The following TBC1D30 variants were observed in gnomAD, a reference collection of about 807,000 sequenced individuals.
TBC1D30 encodes the protein TBC1 domain family, member 30.
TBC1D30 carries 31 observed loss-of-function variants against 63.2 expected under a neutral mutation model. That is an observed-to-expected ratio of 0.49 (90% CI 0.37 to 0.66). The LOEUF is 0.66. TBC1D30 is among the 30% of genes least tolerant of loss of function. The probability of loss-of-function intolerance (pLI) is 0.00; values close to 1 mark genes in which losing one functional copy is unlikely to be tolerated. For synonymous variants in TBC1D30, 307 were observed against 361.5 expected (o/e 0.85, Z 1.71); for missense variants, 810 against 953.6 (o/e 0.85, Z 1.98).
chr12:64,813,246 C>T (rs1001733961), intron 2 of TBC1D30, among the ~76,000 whole-genome samples: 5 of 152,076 alleles, frequency 3.3e-5, no homozygotes, highest in South Asian at 2.1e-4. Flanking sequence ...AAAAATTAGC[C>T]GGATGTGGTG....
intron 11 of TBC1D30, among the ~76,000 whole-genome samples, chr12:64,874,227 A>G (rs1262423511): frequency 6.6e-6 from 1 of 152,198 alleles, no homozygotes; most frequent in Non-Finnish European, 1.5e-5. Context: ...AGCTGGGACT[A>G]CAGGCATGCA....
intron 1 of TBC1D30, among the ~76,000 whole-genome samples, chr12:64,767,821 A>G (rs961092067): frequency 2.8e-5 from 4 of 144,872 alleles, no homozygotes; most frequent in Non-Finnish European, 6.0e-5. Context: ...GATAGGCTCT[A>G]TGAAAATTTA....
upstream of TBC1D30, among the ~76,000 whole-genome samples, chr12:64,823,770 A>AT (rs768401503): frequency 8.5e-5 from 13 of 152,182 alleles, no homozygotes; most frequent in African/African-American, 2.9e-4. Flanking sequence ...GACTATAGGC[A>AT]TGCTGTTCCA....
At position 64,807,617 on chromosome 12, in the gene TBC1D30, C is replaced by T. The variant is rs540515801; in HGVS notation, c.644-20218C>T. On this transcript the variant is annotated intron_variant, in intron 2 of 12. Coordinates refer to the TBC1D30 transcript ENST00000542120. ...GCTGTATTTGCTCTCAACTCCCTGTCCTGTGGTTTTCCTAATATGCCATTC... is the reference window on the plus strand; with the variant it reads ...GCTGTATTTGCTCTCAACTCCCTGTTCTGTGGTTTTCCTAATATGCCATTC... 2.0e-5 allele frequency among the ~76,000 whole-genome samples: 3 copies of T among 152,286 alleles called. No individual in the cohort carries two copies. In the South Asian group the frequency reaches 6.2e-4, roughly 32 times the overall value.
At chr12:64,817,573 C>G (rs1036423044) in intron 2 of TBC1D30, among the ~76,000 whole-genome samples, 1 of 152,200 alleles carries the variant, frequency 6.6e-6, no homozygotes, top group Non-Finnish European at 1.5e-5. Flanking sequence ...GCGAAGGCTT[C>G]CAGACCTGCC....
chr12:64,791,678 A>G (rs1871930155), intron 2 of TBC1D30, among the ~76,000 whole-genome samples: 1 of 145,944 alleles, frequency 6.9e-6, no homozygotes, highest in Non-Finnish European at 1.5e-5. Flanking sequence ...CACCTGGCTA[A>G]TTTGTGTGTG....
intron 8 of TBC1D30, among the ~76,000 whole-genome samples, chr12:64,856,507 C>A (rs1375068161): frequency 6.6e-6 from 1 of 150,590 alleles, no homozygotes; most frequent in Non-Finnish European, 1.5e-5. Context: ...GAGACTCATT[C>A]TTTTCCTTTA....
In TBC1D30 at chr12:64,863,972, A is replaced by C. The variant is rs576380612; in HGVS notation, c.1039-696A>C. ...TAAATTTTAATAAAAATAAGAAAGC[A>C]AACAATATTACTCTTTTATTGCTGA... On this transcript the variant is annotated intron_variant, in intron 8 of 11. Coordinates refer to ENST00000539867, the MANE Select transcript of TBC1D30 (RefSeq NM_015279.2). Among the ~76,000 whole-genome samples, 7 of 152,372 alleles carry C rather than the reference A, an allele frequency of 4.6e-5. No individual in the cohort carries two copies. In the South Asian group the frequency reaches 1.2e-3, roughly 27 times the overall value.
intron 8 of TBC1D30, among the ~76,000 whole-genome samples, chr12:64,858,403 A>G (rs774198544): frequency 2.0e-5 from 3 of 152,200 alleles, no homozygotes; most frequent in Non-Finnish European, 2.9e-5. Context: ...CCCTGAAGCC[A>G]GCATGTCTCA....
chr12:64,770,933 C>T (rs1008162274), intron 1 of TBC1D30, among the ~76,000 whole-genome samples: 2 of 150,686 alleles, frequency 1.3e-5, no homozygotes, highest in Non-Finnish European at 3.0e-5. Context: ...AAGATGGTCT[C>T]AATCTCCTGA....
intron 1 of TBC1D30, among the ~76,000 whole-genome samples, chr12:64,762,652 C>T (rs923485144): frequency 2.6e-5 from 4 of 152,076 alleles, no homozygotes; most frequent in Admixed American, 6.5e-5. Flanking sequence ...AAAAATTTAA[C>T]GTAACATATT....
At chr12:64,780,298 G>C (rs11175550), upstream of TBC1D30, among the ~76,000 whole-genome samples, 229 of 152,354 alleles carry the variant, frequency 1.5e-3, 9 homozygotes, top group East Asian at 0.039. Context: ...CTGGTATTGT[G>C]TTCCGAGTAT....
chr12:64,879,938 C>CA lies in TBC1D30; in HGVS notation c.*4153dup, dbSNP rs1266254719. On this transcript the variant is annotated 3_prime_UTR_variant, in exon 12 of 12. Coordinates refer to ENST00000539867, the MANE Select transcript of TBC1D30 (RefSeq NM_015279.2). ...AGTTATGCAGTAAAAGCTTTATGTG[C>CA]AAATGTTCATTGAAGTATTAAATGT... is the stretch of plus-strand genomic sequence containing the variant. 6.6e-6 allele frequency: 1 copy of CA among 152,094 alleles called. No individual in the cohort carries two copies. The highest frequency in any genetic ancestry group is 2.4e-5 in the African/African-American group (1 of 41,404). 9.4% of individuals were successfully genotyped at this position (152,094 alleles called of 1,614,324 possible).
Position 64,824,914 on chromosome 12 carries a change from G to C in TBC1D30, c.35G>C (p.Arg12Pro). The C allele has an allele frequency of 6.5e-7, 1 of 1,534,444 alleles. No homozygotes were observed. The highest frequency in any genetic ancestry group is 8.7e-7 in the Non-Finnish European group (1 of 1,146,560). ...GACAAGCTGACCGGGTCTCTGAGGC[G>C]CGGGGGGAGATGCCTGAAGCGGCAG... ...RQDKLTGSLR[R>P]GGRCLKRQGG... The change falls in exon 1 of 12, where the codon CGC (arginine) becomes CCC (proline). Residue 12 changes from arginine to proline, a missense_variant. Arg to Pro is a moderately radical substitution (Grantham distance 103). This residue lies in a region of TBC1D30 where 272 missense variants were observed against 335.9 expected (regional missense o/e 0.81). Coordinates refer to ENST00000539867, the MANE Select transcript of TBC1D30 (RefSeq NM_015279.2).
chr12:64,843,376 C>A lies in TBC1D30; in HGVS notation c.933-4C>A, dbSNP rs574693183. 6.5e-7 allele frequency: 1 copy of A among 1,535,978 alleles called. No individual in the cohort carries two copies. Among genetic ancestry groups the A allele is most frequent in the Admixed American group, 2.0e-5 (1 of 51,006 alleles). ...GTTGTATTTTCTGTCCTTTCTTTAT[C>A]TAGGCAGATAGAATGTTGTGAAACA... is the stretch of plus-strand genomic sequence containing the variant. On this transcript the variant is annotated splice_polypyrimidine_tract_variant and splice_region_variant and intron_variant, in intron 7 of 11. Coordinates refer to ENST00000539867, the MANE Select transcript of TBC1D30 (RefSeq NM_015279.2).
intron 1 of TBC1D30, among the ~76,000 whole-genome samples, chr12:64,769,518 A>G (rs1392991843): frequency 6.6e-6 from 1 of 150,734 alleles, no homozygotes; most frequent in African/African-American, 2.4e-5. Flanking sequence ...CTGGGATTAC[A>G]GGCACATGCC....
chr12:64,855,112 G>A (rs888074449), intron 8 of TBC1D30, among the ~76,000 whole-genome samples: 1 of 151,906 alleles, frequency 6.6e-6, no homozygotes, highest in East Asian at 1.9e-4. Context: ...TCTTTTGGCA[G>A]TTTGAATATG....
chr12:64,780,430 C>T (rs143312959), upstream of TBC1D30, among the ~76,000 whole-genome samples: 148 of 152,342 alleles, frequency 9.7e-4, no homozygotes, highest in African/African-American at 3.4e-3. Context: ...AAATCACGTG[C>T]TTAATTAAAA....
intron 9 of TBC1D30, among the ~76,000 whole-genome samples, chr12:64,865,934 A>T (rs926169892): frequency 6.6e-6 from 1 of 152,192 alleles, no homozygotes; most frequent in African/African-American, 2.4e-5. Flanking sequence ...CAGTGGTACA[A>T]TCATGGCATA....
Sources: allele counts gnomAD v4.1 joint callset (sites outside exome capture counted in the v4.1 genomes callset), GRCh38; gene constraint gnomAD v4.1.1; regional missense constraint gnomAD v4.1.1; transcripts MANE v1.5; gene names NCBI Gene and HGNC (gene_info 2026-07-23, HGNC 2026-07-21).